Variants in TGFBR1 observed in about 807,000 individuals in gnomAD.
The protein encoded by TGFBR1 is transforming growth factor beta receptor 1.
Under a neutral mutation model 55.1 loss-of-function variants are expected in TGFBR1, and 20 were observed. The ratio of observed to expected loss-of-function variants is 0.36; its 90% CI spans 0.26 to 0.53. The LOEUF (loss-of-function observed/expected upper bound fraction) is 0.53, where lower values mean the gene tolerates loss of function less well. Among genes scored for constraint, TGFBR1 ranks in the 20% least tolerant of loss-of-function variants. TGFBR1 has a pLI of 0.91. For missense variants in TGFBR1, 385 were observed against 617.6 expected (o/e 0.62, Z 3.99); for synonymous variants, 220 against 214.8 (o/e 1.02, Z -0.21).
chr9:99,133,997 A>G (rs1827341534), intron 3 of TGFBR1, among the ~76,000 whole-genome samples: 2 of 111,294 alleles, frequency 1.8e-5, no homozygotes, highest in South Asian at 2.6e-4. Context: ...GACTCCATCT[A>G]AAAAAAAAAA....
intron 1 of TGFBR1, among the ~76,000 whole-genome samples, chr9:99,123,327 A>G (rs1340878881): frequency 6.6e-6 from 1 of 152,142 alleles, no homozygotes; most frequent in Non-Finnish European, 1.5e-5. Flanking sequence ...GCATCTCAAG[A>G]TTAAGAAAGC....
intron 1 of TGFBR1, among the ~76,000 whole-genome samples, chr9:99,122,123 T>G (rs939886195): frequency 4.6e-5 from 7 of 152,102 alleles, no homozygotes; most frequent in Non-Finnish European, 1.0e-4. Context: ...AGATTTCAGT[T>G]GAGCTCTGAA....
intron 1 of TGFBR1, among the ~76,000 whole-genome samples, chr9:99,106,694 T>C (rs901247615): frequency 6.6e-6 from 1 of 152,244 alleles, no homozygotes; most frequent in Non-Finnish European, 1.5e-5. Context: ...CCCAAACCTG[T>C]ATGTCATATA....
chr9:99,128,798 G>A, intron 1 of TGFBR1, 57 bp from the exon 2 acceptor site: 1 of 1,599,760 alleles, frequency 6.3e-7, no homozygotes, highest in Non-Finnish European at 8.5e-7. Context: ...GTGAATATTG[G>A]ATAATTTCAA....
chr9:99,147,589 C>T, intron 7 of TGFBR1, 65 bp from the exon 8 acceptor site: 1 of 1,495,712 alleles, frequency 6.7e-7, no homozygotes, highest in Non-Finnish European at 9.2e-7. Context: ...CTCAGGTGAT[C>T]TTTTAATGCC....
At chr9:99,130,614 T>A (rs980100066) in intron 2 of TGFBR1, among the ~76,000 whole-genome samples, 1 of 152,216 alleles carries the variant, frequency 6.6e-6, no homozygotes, top group Non-Finnish European at 1.5e-5. Context: ...ACCTTATTTC[T>A]CATGTTTCTA....
rs1386251116 is a variant in TGFBR1 at position 99,140,257 on chromosome 9, TGGCTGGC to T, written c.805+2169_805+2175del. 1.9e-4 allele frequency among the ~76,000 whole-genome samples: 29 copies of T among 152,180 alleles called. No homozygotes were observed. In the Middle Eastern group the frequency reaches 0.01, roughly 54 times the overall value. On this transcript the variant is annotated intron_variant, in intron 4 of 8. Coordinates refer to ENST00000374994, the MANE Select transcript of TGFBR1 (RefSeq NM_004612.4). The stretch of plus-strand genomic sequence containing the variant: ...CGAGGTCAAGAGTTCAAGACCAGCC[TGGCTGGC>T]CAAGATGATGAAACCCCATCTCTAC...
Position 99,147,793 on chromosome 9 carries a change from T to C in TGFBR1, c.1386+9T>C, listed in dbSNP as rs1404023604. ...GATGGCAGAGCTGTGAAGTGAGTAT[T>C]TCTTTTTGATATTAGGCAATTTTCT... On this transcript the variant is annotated intron_variant, in intron 8 of 8. Coordinates refer to ENST00000374994, the MANE Select transcript of TGFBR1 (RefSeq NM_004612.4). The C allele has an allele frequency of 1.9e-6, 3 of 1,613,574 alleles. No homozygotes were observed. Among genetic ancestry groups the C allele is most frequent in the Admixed American group, 1.7e-5 (1 of 59,976 alleles).
At chr9:99,119,281 T>C (rs1383562505) in intron 1 of TGFBR1, among the ~76,000 whole-genome samples, 1 of 152,148 alleles carries the variant, frequency 6.6e-6, no homozygotes. Flanking sequence ...CACAGTTCCT[T>C]CTCTACCACA....
At chr9:99,137,488 C>T (rs1169149727) in intron 3 of TGFBR1, among the ~76,000 whole-genome samples, 1 of 152,082 alleles carries the variant, frequency 6.6e-6, no homozygotes, top group Non-Finnish European at 1.5e-5. Context: ...ACTGCTTTGC[C>T]ACATATATCC....
intron 7 of TGFBR1, among the ~76,000 whole-genome samples, chr9:99,146,858 C>T (rs946952382): frequency 6.6e-6 from 1 of 152,190 alleles, no homozygotes; most frequent in Non-Finnish European, 1.5e-5. Flanking sequence ...CAGAACCCAA[C>T]CCCTTGTTAT....
chr9:99,115,668 G>T (rs971017337), intron 1 of TGFBR1, among the ~76,000 whole-genome samples: 5 of 152,010 alleles, frequency 3.3e-5, no homozygotes, highest in Non-Finnish European at 2.9e-5. Context: ...TGCTCTAATT[G>T]GGTCTCTTTG....
chr9:99,112,624 G>A (rs1415156032), intron 1 of TGFBR1, among the ~76,000 whole-genome samples: 1 of 152,168 alleles, frequency 6.6e-6, no homozygotes, highest in African/African-American at 2.4e-5. Context: ...TATTTGTTGA[G>A]TGGCAGTAGG....
Position 99,132,811 on chromosome 9 carries a change from C to G in TGFBR1, c.574+72C>G, listed in dbSNP as rs112643773. ...AAGCGATACTTATTTTATTAGTTTT[C>G]TAATAAGCCAACTTGCTAGAATGTG... On this transcript the variant is annotated intron_variant, in intron 3 of 8. Coordinates refer to ENST00000374994, the MANE Select transcript of TGFBR1 (RefSeq NM_004612.4). The G allele has an allele frequency of 1.5e-4, 230 of 1,580,278 alleles. No individual in the cohort carries two copies. The African/African-American group carries it at 2.7e-3, about 19-fold the overall frequency.
At chr9:99,136,721 C>T (rs1008167207) in intron 3 of TGFBR1, among the ~76,000 whole-genome samples, 5 of 152,000 alleles carry the variant, frequency 3.3e-5, no homozygotes, top group East Asian at 3.9e-4. Flanking sequence ...AGCTTCTGAT[C>T]GCTTTAAAGA....
intron 1 of TGFBR1, among the ~76,000 whole-genome samples, chr9:99,117,835 C>G (rs1002323358): frequency 6.6e-5 from 10 of 152,154 alleles, no homozygotes; most frequent in African/African-American, 2.2e-4. Context: ...ATTTCAGAAT[C>G]AACTTGTCAG....
intron 6 of TGFBR1, 76 bp from the exon 7 acceptor site, chr9:99,146,409 A>C (rs539619687): frequency 1.3e-6 from 2 of 1,530,840 alleles, no homozygotes; most frequent in South Asian, 2.2e-5. Context: ...GTATAAAGAA[A>C]TGTCTGAAAG....
rs535674739 is a variant in TGFBR1 at position 99,146,933 on chromosome 9, C to T, written c.1255+324C>T. 2.0e-5 allele frequency among the ~76,000 whole-genome samples: 3 copies of T among 152,240 alleles called. No homozygotes were observed. In the East Asian group the frequency reaches 5.8e-4, roughly 29 times the overall value. On this transcript the variant is annotated intron_variant, in intron 7 of 8. Transcript: ENST00000374994. ...GGCTCACCTAGGAAGCTGTTTCTAG[C>T]ATGTACCTGGGTGTCAAACTTATTT...
Position 99,132,747 on chromosome 9 carries a change from A to G in TGFBR1, c.574+8A>G, listed in dbSNP as rs182693204. 3 of 1,614,074 alleles carry G rather than the reference A, an allele frequency of 1.9e-6. No homozygotes were observed. The highest frequency in any genetic ancestry group is 2.7e-5 in the African/African-American group (2 of 75,044). On this transcript the variant is annotated splice_region_variant and intron_variant, in intron 3 of 8. Transcript: ENST00000374994. ...CGTCAGGTTCTGGCTCAGGTAACAT[A>G]ATTGTTTCTCCTTTTTCCTAAGACA...
Sources: allele counts gnomAD v4.1 joint callset (sites outside exome capture counted in the v4.1 genomes callset), GRCh38; gene constraint gnomAD v4.1.1; transcripts MANE v1.5; gene names NCBI Gene and HGNC (gene_info 2026-07-23, HGNC 2026-07-21).